The following ANO1 variants were observed in gnomAD, a reference collection of about 807,000 sequenced individuals.
ANO1 encodes the protein anoctamin 1.
ANO1 carries 59 observed loss-of-function variants against 124.0 expected under a neutral mutation model. The ratio of observed to expected loss-of-function variants is 0.48; its 90% CI spans 0.39 to 0.59. The LOEUF (loss-of-function observed/expected upper bound fraction) is 0.59, where lower values mean the gene tolerates loss of function less well. ANO1 is among the 20% of genes least tolerant of loss of function. The pLI is 0.00. For synonymous variants in ANO1, 529 were observed against 532.0 expected (o/e 0.99, Z 0.08); for missense variants, 1,059 against 1,328.0 (o/e 0.80, Z 3.15).
At chr11:70,034,108 G>T (rs552872154) in intron 1 of ANO1, among the ~76,000 whole-genome samples, 1 of 151,998 alleles carries the variant, frequency 6.6e-6, no homozygotes, top group African/African-American at 2.4e-5. Context: ...ATTTCATTGC[G>T]CATGGAGCCC....
intron 1 of ANO1, among the ~76,000 whole-genome samples, chr11:70,066,289 G>A (rs1270522225): frequency 6.6e-6 from 1 of 152,154 alleles, no homozygotes; most frequent in Non-Finnish European, 1.5e-5. Flanking sequence ...GGGCACTAAG[G>A]GTCCCAGGCC....
chr11:70,115,152 G>A lies in ANO1; in HGVS notation c.856-1306G>A, dbSNP rs193202390. Among the ~76,000 whole-genome samples the A allele has an allele frequency of 2.8e-4, 42 of 152,190 alleles. No individual in the cohort carries two copies. In the East Asian group the frequency reaches 5.0e-3, roughly 18 times the overall value. On this transcript the variant is annotated intron_variant, in intron 7 of 25. Transcript: ENST00000355303. ...AAATTGGTTAAACTGCTCTCAGAGC[G>A]TCTTCGTTCCAAGACCACCTGCATT...
intron 2 of ANO1, among the ~76,000 whole-genome samples, chr11:70,093,148 C>T (rs887276182): frequency 4.0e-5 from 6 of 151,488 alleles, no homozygotes; most frequent in African/African-American, 7.3e-5. Flanking sequence ...GTCTCTCTCT[C>T]CCTTCTGTCT....
At chr11:70,165,368 G>C in intron 19 of ANO1, 102 bp from the exon 20 acceptor site, 1 of 945,444 alleles carries the variant, frequency 1.1e-6, no homozygotes, top group Non-Finnish European at 1.6e-6. Flanking sequence ...TTTTTTTGGA[G>C]GACGCAGGTC....
intron 1 of ANO1, among the ~76,000 whole-genome samples, chr11:70,081,198 T>G (rs1407960859): frequency 6.6e-6 from 1 of 152,202 alleles, no homozygotes; most frequent in Non-Finnish European, 1.5e-5. Context: ...AAGAAATGAC[T>G]TGAAAGCCAG....
Position 70,148,834 on chromosome 11 carries a change from G to T in ANO1, c.1259-876G>T, listed in dbSNP as rs75561854. Among the ~76,000 whole-genome samples, 1,147 of 152,342 alleles carry T rather than the reference G, an allele frequency of 7.5e-3. 21 individuals are homozygous for T. The highest frequency in any genetic ancestry group is 0.027 in the African/African-American group (1,103 of 41,576). ...TCCCTGCCTCACATACAAGTCACGGGACGGGGATCCTGATGGAAGGCAGCA... is the reference window on the plus strand; with the variant it reads ...TCCCTGCCTCACATACAAGTCACGGTACGGGGATCCTGATGGAAGGCAGCA... On this transcript the variant is annotated intron_variant, in intron 11 of 25. Coordinates refer to ENST00000355303, the MANE Select transcript of ANO1 (RefSeq NM_018043.7).
At chr11:69,972,912 CTTTCT>C in the ANO1 span, among the ~76,000 whole-genome samples, 1 of 144,376 alleles carries the variant, frequency 6.9e-6, no homozygotes, top group African/African-American at 2.5e-5. Context: ...TTTTCTTTTT[CTTTCT>C]TTTTTTTTTG....
chr11:70,156,917 G>A lies in ANO1; in HGVS notation c.1504-30G>A, dbSNP rs567201942. On this transcript the variant is annotated intron_variant, in intron 15 of 25. Coordinates refer to ENST00000355303, the MANE Select transcript of ANO1 (RefSeq NM_018043.7). ...GAGATGTCTCATCGTGATGGTTCCAGACAGTGACCGGCATTGTTTTGTGTT... is the reference window on the plus strand; with the variant it reads ...GAGATGTCTCATCGTGATGGTTCCAAACAGTGACCGGCATTGTTTTGTGTT... The A allele has an allele frequency of 8.6e-5, 139 of 1,608,002 alleles. 1 individual carries two copies. In the South Asian group the frequency reaches 1.1e-3, roughly 12 times the overall value.
chr11:70,181,390 G>A (rs1483043018), intron 23 of ANO1, among the ~76,000 whole-genome samples: 2 of 152,230 alleles, frequency 1.3e-5, no homozygotes, highest in African/African-American at 4.8e-5. Flanking sequence ...CCCTTTCCCG[G>A]TGGGCAACGC....
At chr11:70,159,654 G>A (rs998124708) in intron 16 of ANO1, among the ~76,000 whole-genome samples, 2 of 152,222 alleles carry the variant, frequency 1.3e-5, no homozygotes, top group African/African-American at 4.8e-5. Context: ...GCTGCAGGGC[G>A]TGCCTGTTGT....
At chr11:70,142,173 G>T (rs2047179508) in intron 11 of ANO1, among the ~76,000 whole-genome samples, 1 of 152,220 alleles carries the variant, frequency 6.6e-6, no homozygotes, top group African/African-American at 2.4e-5. Flanking sequence ...TAATAATGGG[G>T]TTTTAACTGC....
chr11:70,167,197 A>G, intron 20 of ANO1, 45 bp from the exon 21 acceptor site: 1 of 1,603,592 alleles, frequency 6.2e-7, no homozygotes, highest in African/African-American at 1.3e-5. Flanking sequence ...AAGCCCCCAA[A>G]TTCACCCTCC....
chr11:70,051,501 G>T (rs1357879896), intron 1 of ANO1, among the ~76,000 whole-genome samples: 1 of 152,208 alleles, frequency 6.6e-6, no homozygotes, highest in Non-Finnish European at 1.5e-5. Context: ...GTCAGCAGGT[G>T]TGTGAGATGT....
chr11:70,163,753 A>C (rs1395511608), intron 19 of ANO1, among the ~76,000 whole-genome samples: 2 of 152,110 alleles, frequency 1.3e-5, no homozygotes, highest in African/African-American at 4.8e-5. Context: ...CCTGGCCAAC[A>C]TGGTGAAACC....
chr11:69,999,166 C>T (rs1385028766), intron 1 of ANO1, among the ~76,000 whole-genome samples: 1 of 152,086 alleles, frequency 6.6e-6, no homozygotes. Context: ...GGCATCTGCT[C>T]AGCTTCTGGG....
At chr11:69,967,184 C>T in the ANO1 span, among the ~76,000 whole-genome samples, 4 of 21,936 alleles carry the variant, frequency 1.8e-4, no homozygotes, top group Non-Finnish European at 4.7e-4. Context: ...AGGCTCTGAG[C>T]GCCCGTATCG....
At position 70,021,477 on chromosome 11, in the gene ANO1, C is replaced by CTT. The variant is rs58399294; in HGVS notation, c.58+35322_58+35323dup. 1.4e-4 allele frequency among the ~76,000 whole-genome samples: 21 copies of CTT among 145,210 alleles called. No individual in the cohort carries two copies. The South Asian group carries it at 1.9e-3, about 13-fold the overall frequency. Reference sequence around the variant, plus strand: ...AGAGTGCTTTTTGTTGTTGTTGTTTCTTTTTTTTTTTTAGCTCTATCAGAA... The same window carrying CTT: ...AGAGTGCTTTTTGTTGTTGTTGTTTCTTTTTTTTTTTTTTAGCTCTATCAGAA... On this transcript the variant is annotated intron_variant, in intron 1 of 27. Coordinates refer to the ANO1 transcript ENST00000531349.
At chr11:69,991,712 C>G (rs1258110500) in intron 1 of ANO1, among the ~76,000 whole-genome samples, 1 of 152,166 alleles carries the variant, frequency 6.6e-6, no homozygotes, top group Non-Finnish European at 1.5e-5. Flanking sequence ...GTTACAGTAC[C>G]AGAAATGAGG....
chr11:69,975,771 ACCTGG>A, the ANO1 span, among the ~76,000 whole-genome samples: 1 of 152,182 alleles, frequency 6.6e-6, no homozygotes, highest in African/African-American at 2.4e-5. Flanking sequence ...ACCTGTCACC[ACCTGG>A]CAGGTAGTAT....
Sources: gnomAD v4.1 joint callset for allele counts (sites outside exome capture counted in the v4.1 genomes callset) on GRCh38, gnomAD v4.1.1 for gene constraint, MANE v1.5 for transcripts, NCBI Gene and HGNC (gene_info 2026-07-23, HGNC 2026-07-21) for gene names.